The following KCNU1 variants were observed in gnomAD, a reference collection of about 807,000 sequenced individuals.
KCNU1 encodes potassium channel subfamily U member 1.
A neutral mutation model predicts 126.8 loss-of-function variants in KCNU1; 93 were observed. The ratio of observed to expected loss-of-function variants is 0.73; its 90% CI spans 0.62 to 0.87. The LOEUF (loss-of-function observed/expected upper bound fraction) is 0.87, where lower values mean the gene tolerates loss of function less well. Ranked by LOEUF, KCNU1 falls within the 40% of genes least tolerant of loss-of-function variation. The pLI is 0.00. For synonymous variants in KCNU1, 523 were observed against 494.2 expected, an observed-to-expected ratio of 1.06 and a Z score of -0.77; for missense variants, 1,330 against 1,367.1, an observed-to-expected ratio of 0.97 and a Z score of 0.43.
At chr8:36,800,736 C>T (rs1254037689) in intron 2 of KCNU1, among the ~76,000 whole-genome samples, 4 of 152,224 alleles carry the variant, frequency 2.6e-5, no homozygotes, top group Non-Finnish European at 5.9e-5. Context: ...ACCCGACTCA[C>T]TGAACAGTGT....
rs1004545078 is a variant in KCNU1, at chr8:36,803,541, G to A, written c.316-486G>A. Among the ~76,000 whole-genome samples the A allele has an allele frequency of 8.6e-5, 13 of 151,980 alleles. 1 individual carries two copies. Among genetic ancestry groups the A allele is most frequent in the African/African-American group, 3.1e-4 (13 of 41,366 alleles). On this transcript the variant is annotated intron_variant, in intron 2 of 26. Transcript: ENST00000399881. ...CATTTCCCCTACTGTGAAAATTCTG[G>A]CTATCCTTTAGGGAACACATGTCTG...
rs1173223700 is a variant in KCNU1 at position 36,933,034 on chromosome 8, G to A, written c.3044+2G>A. ...GGAGCTCAACCCAGAAAACAAAAGG[G>A]GAGTGTGCTAGATTGGAAAGCACCA... On this transcript the variant is annotated splice_donor_variant, in intron 26 of 26. Coordinates refer to ENST00000399881, the MANE Select transcript of KCNU1 (RefSeq NM_001031836.3). LOFTEE classifies it high-confidence loss of function. 2 of 1,518,382 alleles carry A rather than the reference G, an allele frequency of 1.3e-6. No homozygotes were observed. Among genetic ancestry groups the A allele is most frequent in the Non-Finnish European group, 1.8e-6 (2 of 1,114,856 alleles). The allele number at this position is 1,518,382 out of a possible 1,614,324, so 94.1% of individuals were successfully genotyped here. A position where few individuals can be genotyped will look rare whatever the true frequency, so the allele number is the denominator to read the frequency against.
intron 23 of KCNU1, among the ~76,000 whole-genome samples, chr8:36,922,131 CTA>C (rs1441969160): frequency 6.6e-6 from 1 of 151,954 alleles, no homozygotes; most frequent in East Asian, 2.0e-4. Flanking sequence ...CTATTTATTC[CTA>C]TGATTCCAGG....
chr8:36,847,155 G>C (rs949864829), intron 18 of KCNU1, among the ~76,000 whole-genome samples: 5 of 152,092 alleles, frequency 3.3e-5, no homozygotes, highest in Admixed American at 3.3e-4. Context: ...CATTCTCCTA[G>C]TCTTGAAGTC....
chr8:36,923,282 A>C (rs1808428084), intron 24 of KCNU1, among the ~76,000 whole-genome samples: 1 of 152,194 alleles, frequency 6.6e-6, no homozygotes, highest in Non-Finnish European at 1.5e-5. Context: ...GAGAATGACA[A>C]AAGCCTTATC....
intron 19 of KCNU1, among the ~76,000 whole-genome samples, chr8:36,897,349 T>A (rs1056813989): frequency 6.6e-6 from 1 of 152,002 alleles, no homozygotes; most frequent in African/African-American, 2.4e-5. Context: ...TCTCCCCCCA[T>A]AAATGGCTGC....
chr8:36,807,103 G>A (rs988873519), intron 5 of KCNU1, among the ~76,000 whole-genome samples: 1 of 152,150 alleles, frequency 6.6e-6, no homozygotes, highest in South Asian at 2.1e-4. Flanking sequence ...ACTCTGTGAG[G>A]TTGGTACTAT....
rs775308630 is a variant in KCNU1, at chr8:36,909,481, T to C, written c.2277T>C (p.Tyr759=). 3.1e-6 allele frequency: 5 copies of C among 1,613,200 alleles called. No individual in the cohort carries two copies. Among genetic ancestry groups the C allele is most frequent in the Non-Finnish European group, 3.4e-6 (4 of 1,179,198 alleles). ...TAGTGTTCATTGGGTCTCTGGACTA[T>C]CTACAGAGAGAATGGCGATTTCTCT... The part of the protein sequence containing the change: ...KDIVFIGSLD[Y]LQREWRFLWN... Residue 759 remains tyrosine (Y), a synonymous_variant, in exon 21 of 27, where the codon TAT becomes TAC. Coordinates refer to ENST00000399881, the MANE Select transcript of KCNU1 (RefSeq NM_001031836.3).
chr8:36,895,233 C>A (rs533196962), intron 19 of KCNU1, among the ~76,000 whole-genome samples: 1 of 152,084 alleles, frequency 6.6e-6, no homozygotes, highest in African/African-American at 2.4e-5. Flanking sequence ...CACTGACCAC[C>A]ACGCCCAGCT....
chr8:36,911,317 T>C (rs1262371456), intron 22 of KCNU1, among the ~76,000 whole-genome samples, 198 bp downstream of exon 22: 1 of 152,184 alleles, frequency 6.6e-6, no homozygotes, highest in South Asian at 2.1e-4. Context: ...AAATGGATGA[T>C]GGTGTGCATC....
chr8:36,854,114 G>A (rs34688364), intron 18 of KCNU1, among the ~76,000 whole-genome samples: 53,861 of 151,814 alleles, frequency 0.35, 10,102 homozygotes, highest in Admixed American at 0.43. Context: ...CTTTCTACAC[G>A]ATGAGTCACT....
chr8:36,925,217 G>C (rs531155340), intron 24 of KCNU1, among the ~76,000 whole-genome samples: 1 of 152,288 alleles, frequency 6.6e-6, no homozygotes, highest in South Asian at 2.1e-4. Context: ...CTAAAAGTGA[G>C]GTCATTGCAT....
At chr8:36,834,065 A>AT (rs2130547989) in intron 11 of KCNU1, among the ~76,000 whole-genome samples, 1 of 152,308 alleles carries the variant, frequency 6.6e-6, no homozygotes, top group Admixed American at 6.5e-5. Context: ...ATGCATGGAT[A>AT]TGCTTTCCAA....
intron 19 of KCNU1, among the ~76,000 whole-genome samples, chr8:36,897,886 A>C (rs1807260295): frequency 6.6e-6 from 1 of 152,116 alleles, no homozygotes; most frequent in Admixed American, 6.6e-5. Context: ...TAACACACAG[A>C]TGGGGAGGAC....
intron 18 of KCNU1, among the ~76,000 whole-genome samples, chr8:36,855,272 C>A (rs577577610): frequency 3.9e-5 from 6 of 152,222 alleles, no homozygotes; most frequent in African/African-American, 1.4e-4. Flanking sequence ...TTTATGCTTT[C>A]ATTTGGTCTT....
chr8:36,829,058 C>T (rs551997887), intron 10 of KCNU1, among the ~76,000 whole-genome samples: 336 of 152,216 alleles, frequency 2.2e-3, no homozygotes, highest in Non-Finnish European at 4.1e-3. Context: ...CACATCTTTT[C>T]TCTTTCCGTG....
intron 26 of KCNU1, among the ~76,000 whole-genome samples, chr8:36,935,053 T>C (rs1808812424): frequency 6.6e-6 from 1 of 152,118 alleles, no homozygotes; most frequent in Non-Finnish European, 1.5e-5. Flanking sequence ...ACCTGAAATA[T>C]ATGTCATCTT....
chr8:36,830,855 C>A (rs1005177978), intron 10 of KCNU1, among the ~76,000 whole-genome samples: 16 of 151,056 alleles, frequency 1.1e-4, no homozygotes, highest in African/African-American at 3.9e-4. Flanking sequence ...TGCGCTGCAC[C>A]CACTAACTCG....
At chr8:36,884,178 T>C (rs1046395767) in intron 19 of KCNU1, among the ~76,000 whole-genome samples, 20 of 151,198 alleles carry the variant, frequency 1.3e-4, no homozygotes, top group African/African-American at 3.9e-4. Context: ...TAAGGATAAG[T>C]TTCATAATTA....
Sources: allele counts gnomAD v4.1 joint callset (sites outside exome capture counted in the v4.1 genomes callset), GRCh38; gene constraint gnomAD v4.1.1; transcripts MANE v1.5; gene names NCBI Gene and HGNC (gene_info 2026-07-23, HGNC 2026-07-21).